ZNRF1: variants seen among roughly 807,000 people sequenced by gnomAD.
The protein encoded by ZNRF1 is E3 ubiquitin-protein ligase ZNRF1.
In ZNRF1, 3 loss-of-function variants were observed where a neutral mutation model predicts 18.4. That is an observed-to-expected ratio of 0.16 (90% CI 0.07 to 0.42). ZNRF1 has a LOEUF of 0.42. ZNRF1 is among the 10% of genes least tolerant of loss of function. ZNRF1 has a pLI of 0.99. For missense variants in ZNRF1, 310 were observed against 329.8 expected, an observed-to-expected ratio of 0.94 and a Z score of 0.47; for synonymous variants, 157 against 144.2, an observed-to-expected ratio of 1.09 and a Z score of -0.64.
intron 1 of ZNRF1, among the ~76,000 whole-genome samples, chr16:75,032,193 T>C (rs1180929671): frequency 7.3e-6 from 1 of 137,914 alleles, no homozygotes; most frequent in Non-Finnish European, 1.5e-5. Flanking sequence ...TACTACACCC[T>C]CCGTCTCCTG....
intron 1 of ZNRF1, among the ~76,000 whole-genome samples, chr16:75,049,705 C>A (rs773525302): frequency 2.6e-5 from 4 of 152,170 alleles, no homozygotes; most frequent in Non-Finnish European, 5.9e-5. Context: ...CAGAGTGGTC[C>A]TTTGTACCTT....
At chr16:75,013,104 C>G (rs1385417128) in intron 1 of ZNRF1, among the ~76,000 whole-genome samples, 3 of 152,254 alleles carry the variant, frequency 2.0e-5, no homozygotes, top group Admixed American at 1.3e-4. Context: ...AATTAGGAAC[C>G]TCTGTTCAGA....
At chr16:75,069,356 A>G (rs1187811176) in intron 1 of ZNRF1, among the ~76,000 whole-genome samples, 1 of 152,074 alleles carries the variant, frequency 6.6e-6, no homozygotes, top group Non-Finnish European at 1.5e-5. Flanking sequence ...GTTCCCTTAA[A>G]TGGTTTCCCC....
chr16:75,042,101 GTTGT>G (rs528085232), intron 1 of ZNRF1, among the ~76,000 whole-genome samples: 27 of 152,294 alleles, frequency 1.8e-4, no homozygotes, highest in Admixed American at 6.5e-4. Context: ...TAAAAATTGA[GTTGT>G]TTGTCAGTGA....
At chr16:75,015,723 A>G (rs2035057428) in intron 1 of ZNRF1, among the ~76,000 whole-genome samples, 1 of 152,128 alleles carries the variant, frequency 6.6e-6, no homozygotes, top group Non-Finnish European at 1.5e-5. Context: ...AGCTGGGACT[A>G]CAGGTGTGCA....
In ZNRF1 at chr16:75,087,448, G is replaced by A. The variant is rs185805528; in HGVS notation, c.425-6124G>A. Among the ~76,000 whole-genome samples, 7 of 152,358 alleles carry A rather than the reference G, an allele frequency of 4.6e-5. No homozygotes were observed. In the East Asian group the frequency reaches 9.6e-4, roughly 21 times the overall value. ...GGCACTTGTTGAAAGACAGGAAGCAGCTGGACTCTGGCTGATCCAACTCTC... is the reference window on the plus strand; with the variant it reads ...GGCACTTGTTGAAAGACAGGAAGCAACTGGACTCTGGCTGATCCAACTCTC... On this transcript the variant is annotated intron_variant, in intron 1 of 4. Transcript: ENST00000335325.
intron 1 of ZNRF1, among the ~76,000 whole-genome samples, chr16:75,072,192 G>A (rs747155428): frequency 2.6e-5 from 4 of 151,640 alleles, no homozygotes; most frequent in Non-Finnish European, 4.4e-5. Context: ...GGCTGGTCTC[G>A]AACCCCTGGA....
At position 75,048,275 on chromosome 16, in the gene ZNRF1, C is replaced by T. The variant is rs138239487; in HGVS notation, c.425-45297C>T. Among the ~76,000 whole-genome samples the T allele has an allele frequency of 2.2e-4, 34 of 152,202 alleles. No homozygotes were observed. In the East Asian group the frequency reaches 6.4e-3, roughly 29 times the overall value. Reference sequence around the variant, plus strand: ...TAATCTCCTATTCTCATATGAACACCAGTTATGTTGAATTAGGGCCCACCC... The same window carrying T: ...TAATCTCCTATTCTCATATGAACACTAGTTATGTTGAATTAGGGCCCACCC... On this transcript the variant is annotated intron_variant, in intron 1 of 4. Coordinates refer to ENST00000335325, the MANE Select transcript of ZNRF1 (RefSeq NM_032268.5).
intron 1 of ZNRF1, among the ~76,000 whole-genome samples, chr16:75,020,924 TG>T (rs2035138852): frequency 6.6e-6 from 1 of 152,244 alleles, no homozygotes; most frequent in South Asian, 2.1e-4. Context: ...CTTAAATTTT[TG>T]GCTTGCATGC....
intron 1 of ZNRF1, among the ~76,000 whole-genome samples, chr16:75,034,732 T>C (rs2035354810): frequency 6.6e-6 from 1 of 152,204 alleles, no homozygotes; most frequent in Admixed American, 6.6e-5. Context: ...GTTCAAGTGA[T>C]TCTTATGCCT....
intron 1 of ZNRF1, among the ~76,000 whole-genome samples, chr16:75,051,934 A>T (rs751556662): frequency 1.3e-5 from 2 of 152,202 alleles, no homozygotes; most frequent in African/African-American, 4.8e-5. Context: ...AGACATCTGT[A>T]TACTTATCTT....
intron 1 of ZNRF1, among the ~76,000 whole-genome samples, chr16:75,029,916 GGTGTT>G (rs1368973033): frequency 2.6e-5 from 4 of 151,944 alleles, no homozygotes; most frequent in Admixed American, 6.6e-5. Context: ...AAATTAGCCA[GGTGTT>G]GTGTTGTGGT....
At chr16:75,068,209 A>C (rs1449633758) in intron 1 of ZNRF1, among the ~76,000 whole-genome samples, 1 of 151,214 alleles carries the variant, frequency 6.6e-6, no homozygotes, top group Non-Finnish European at 1.5e-5. Context: ...AAAAAAAAAA[A>C]AAAAATTAGC....
intron 1 of ZNRF1, among the ~76,000 whole-genome samples, chr16:75,069,376 G>C (rs2035842416): frequency 6.6e-6 from 1 of 152,116 alleles, no homozygotes; most frequent in South Asian, 2.1e-4. Context: ...CTCAGGCTTA[G>C]TCTTGGATCT....
intron 1 of ZNRF1, among the ~76,000 whole-genome samples, chr16:75,070,990 C>T (rs914052004): frequency 1.3e-5 from 2 of 152,120 alleles, no homozygotes; most frequent in Non-Finnish European, 2.9e-5. Context: ...TTTATTATGC[C>T]CATGGACTAT....
intron 1 of ZNRF1, among the ~76,000 whole-genome samples, chr16:75,049,932 T>C (rs374807760): frequency 2.2e-4 from 33 of 152,110 alleles, no homozygotes; most frequent in African/African-American, 7.7e-4. Flanking sequence ...TCAAGATAAC[T>C]GTTCCACTAC....
At position 75,109,090 on chromosome 16, in the gene ZNRF1, C is replaced by T. The variant is rs2036350748; in HGVS notation, c.*1390C>T. The T allele has an allele frequency of 6.5e-6, 1 of 152,768 alleles. No individual in the cohort carries two copies. 9.5% of individuals were successfully genotyped at this position (152,768 alleles called of 1,614,324 possible). A position where few individuals can be genotyped will look rare whatever the true frequency, so the allele number is the denominator to read the frequency against. ...GCTCCCCATCCCACGTTCCACTCGCCCTGCCTGTTGTTCAGTTTGCGTCTC... is the reference window on the plus strand; with the variant it reads ...GCTCCCCATCCCACGTTCCACTCGCTCTGCCTGTTGTTCAGTTTGCGTCTC... On this transcript the variant is annotated 3_prime_UTR_variant, in exon 5 of 5. Coordinates refer to ENST00000335325, the MANE Select transcript of ZNRF1 (RefSeq NM_032268.5).
In ZNRF1 at chr16:75,024,708, C is replaced by T. The variant is rs180684277; in HGVS notation, c.424+24613C>T. 4.5e-4 allele frequency among the ~76,000 whole-genome samples: 69 copies of T among 152,376 alleles called. 2 individuals are homozygous for T. The highest frequency in any genetic ancestry group is 1.2e-3 in the South Asian group (6 of 4,832). On this transcript the variant is annotated intron_variant, in intron 1 of 4. Transcript: ENST00000335325. The stretch of plus-strand genomic sequence containing the variant: ...GTGAGGGAGTTGGAAAGGCTGAACT[C>T]GCACATGCTGTGCAGAAGCAGAAGA...
At chr16:75,064,036 G>A (rs2035773118) in intron 1 of ZNRF1, among the ~76,000 whole-genome samples, 1 of 152,234 alleles carries the variant, frequency 6.6e-6, no homozygotes, top group South Asian at 2.1e-4. Context: ...AGTGGCTCAC[G>A]CCTGTAAATC....
Sources: allele counts gnomAD v4.1 joint callset (sites outside exome capture counted in the v4.1 genomes callset), GRCh38; gene constraint gnomAD v4.1.1; transcripts MANE v1.5; gene names NCBI Gene and HGNC (gene_info 2026-07-23, HGNC 2026-07-21).